Variants in A2ML1 observed in about 807,000 individuals in gnomAD.
A2ML1 encodes the protein alpha-2-macroglobulin-like protein 1.
In A2ML1, 161 loss-of-function variants were observed where a neutral mutation model predicts 181.9. The ratio of observed to expected loss-of-function variants is 0.89; its 90% CI spans 0.78 to 1.01. The LOEUF is 1.01. Ranked by LOEUF, A2ML1 falls within the 50% of genes least tolerant of loss-of-function variation. The probability of loss-of-function intolerance (pLI) is 0.00; values close to 1 mark genes in which losing one functional copy is unlikely to be tolerated. For missense variants in A2ML1, 1,670 were observed against 1,768.1 expected (o/e 0.94, Z 1.00); for synonymous variants, 663 against 666.8 (o/e 0.99, Z 0.09).
rs751385814 is a variant in A2ML1, at chr12:8,857,852, C to A, written c.3108-94C>A. 106 of 1,523,686 alleles carry A rather than the reference C, an allele frequency of 7.0e-5. No homozygotes were observed. The African/African-American group carries it at 7.8e-4, about 11-fold the overall frequency. 94.4% of individuals were successfully genotyped at this position (1,523,686 alleles called of 1,614,324 possible). A position where few individuals can be genotyped will look rare whatever the true frequency, so the allele number is the denominator to read the frequency against. On this transcript the variant is annotated intron_variant, in intron 25 of 35. Transcript: ENST00000299698. ...TATGGCATATGTTCCCTCAGCTCCCCTTCTGGAAGTATACACCCAAATAAA... is the reference window on the plus strand; with the variant it reads ...TATGGCATATGTTCCCTCAGCTCCCATTCTGGAAGTATACACCCAAATAAA...
intron 4 of A2ML1, among the ~76,000 whole-genome samples, chr12:8,832,327 A>C (rs2136745451): frequency 6.6e-6 from 1 of 151,766 alleles, no homozygotes; most frequent in South Asian, 2.1e-4. Flanking sequence ...AGAGGTTCAG[A>C]CTCTTGGAGT....
chr12:8,838,509 G>A lies in A2ML1; in HGVS notation c.970+59G>A. On this transcript the variant is annotated intron_variant, in intron 9 of 35. Transcript: ENST00000299698. ...GAGAAAGAAAAAGGGCTGGTCCCAG[G>A]GACAGATTTACTCCAAGTATACAAG... 4.4e-6 allele frequency: 6 copies of A among 1,374,318 alleles called. No individual in the cohort carries two copies. In the South Asian group the frequency reaches 7.5e-5, roughly 17 times the overall value. 85.1% of individuals were successfully genotyped at this position (1,374,318 alleles called of 1,614,324 possible). A position where few individuals can be genotyped will look rare whatever the true frequency, so the allele number is the denominator to read the frequency against.
At chr12:8,844,752 A>G (rs1309182576) in intron 12 of A2ML1, among the ~76,000 whole-genome samples, 2 of 152,194 alleles carry the variant, frequency 1.3e-5, no homozygotes, top group Non-Finnish European at 2.9e-5. Flanking sequence ...ATAGGTGGAA[A>G]ATAACAAGTC....
chr12:8,863,108 T>C (rs1274614146), intron 28 of A2ML1, among the ~76,000 whole-genome samples: 1 of 151,184 alleles, frequency 6.6e-6, no homozygotes, highest in East Asian at 1.9e-4. Flanking sequence ...TTAAATCTTT[T>C]TTTTTTTTTT....
At chr12:8,845,171 T>C (rs1362523431) in intron 12 of A2ML1, 44 of 1,522,354 alleles carry the variant, frequency 2.9e-5, no homozygotes, top group Non-Finnish European at 3.6e-5. Flanking sequence ...GACAGTTATC[T>C]ATGGTGAGGA....
Position 8,823,344 on chromosome 12 carries a change from C to G in A2ML1, c.225C>G (p.His75Gln). The change falls in exon 2 of 36, where the codon CAC (histidine) becomes CAG (glutamine). Residue 75 changes from histidine to glutamine, a missense_variant. Transcript: ENST00000299698. ...LLEYSGLKKRHLHCISFLVPP... is the reference protein window; with the variant it reads ...LLEYSGLKKRQLHCISFLVPP... ...AATACTCTGGACTGAAGAAGAGGCA[C>G]TTACATTGTATCTCCTTTCTTGTAA... is the stretch of plus-strand genomic sequence containing the variant. 1 of 1,613,878 alleles carries G rather than the reference C, an allele frequency of 6.2e-7. No individual in the cohort carries two copies. The highest frequency in any genetic ancestry group is 8.5e-7 in the Non-Finnish European group (1 of 1,179,922).
At position 8,859,520 on chromosome 12, in the gene A2ML1, G is replaced by A. The variant is rs1944184294; in HGVS notation, c.3265-1361G>A. Reference sequence around the variant, plus strand: ...GAAACCCTGTCTCTACTAAGATAAAGGACTTGACTAGAGCAAGATCTCAGA... The same window carrying A: ...GAAACCCTGTCTCTACTAAGATAAAAGACTTGACTAGAGCAAGATCTCAGA... On this transcript the variant is annotated intron_variant, in intron 26 of 35. Transcript: ENST00000299698. Among the ~76,000 whole-genome samples, 4 of 152,140 alleles carry A rather than the reference G, an allele frequency of 2.6e-5. No homozygotes were observed. The South Asian group carries it at 8.3e-4, about 32-fold the overall frequency.
intron 29 of A2ML1, among the ~76,000 whole-genome samples, chr12:8,865,775 A>C (rs373344168): frequency 6.6e-6 from 1 of 152,222 alleles, no homozygotes; most frequent in East Asian, 1.9e-4. Flanking sequence ...AATCATAAAA[A>C]ATTATTTTAG....
At chr12:8,853,986 C>A in intron 20 of A2ML1, 142 bp from the exon 21 acceptor site, 1 of 1,102,906 alleles carries the variant, frequency 9.1e-7, no homozygotes, top group Non-Finnish European at 1.2e-6. Flanking sequence ...AGAATATGGG[C>A]CCCACCCCAG....
At chr12:8,824,222 GTTTTTTTTTTTT>G (rs34400836) in intron 3 of A2ML1, among the ~76,000 whole-genome samples, 5 of 92,314 alleles carry the variant, frequency 5.4e-5, no homozygotes, top group South Asian at 8.3e-4. Flanking sequence ...AGCTACTGGG[GTTTTTTTTTTTT>G]TTTTTTTTTT....
chr12:8,882,874 A>G (rs1442337623), intron 7 of A2ML1, among the ~76,000 whole-genome samples: 1 of 152,138 alleles, frequency 6.6e-6, no homozygotes, highest in Non-Finnish European at 1.5e-5. Context: ...TTAGGGGTAA[A>G]GTTCTATTCC....
chr12:8,856,391 T>C (rs1944063021), intron 23 of A2ML1, among the ~76,000 whole-genome samples: 1 of 152,252 alleles, frequency 6.6e-6, no homozygotes, highest in South Asian at 2.1e-4. Context: ...TTCTTTTGTG[T>C]TCCTAGTACA....
At chr12:8,831,406 T>G (rs1032527566) in intron 4 of A2ML1, among the ~76,000 whole-genome samples, 6 of 152,230 alleles carry the variant, frequency 3.9e-5, no homozygotes, top group South Asian at 4.1e-4. Flanking sequence ...GAAGCGGGAT[T>G]ACTTCCAGGT....
At chr12:8,838,914 TAAAAAAA>T (rs11314317) in intron 9 of A2ML1, among the ~76,000 whole-genome samples, 192 bp from the exon 10 acceptor site, 2 of 110,704 alleles carry the variant, frequency 1.8e-5, no homozygotes, top group African/African-American at 3.4e-5. Flanking sequence ...GACTCCATCT[TAAAAAAA>T]AAAAAAAAAA....
chr12:8,844,548 G>T (rs1943601621), intron 12 of A2ML1, among the ~76,000 whole-genome samples: 1 of 152,160 alleles, frequency 6.6e-6, no homozygotes, highest in Non-Finnish European at 1.5e-5. Context: ...CAGCTTTCCT[G>T]TCACCTTGGT....
At chr12:8,839,858 C>T (rs1943408971) in intron 10 of A2ML1, among the ~76,000 whole-genome samples, 1 of 152,280 alleles carries the variant, frequency 6.6e-6, no homozygotes, top group African/African-American at 2.4e-5. Flanking sequence ...AGCGATTCTC[C>T]TGTCTCAGCC....
At chr12:8,845,100 G>A (rs758196658) in intron 12 of A2ML1, 8 of 1,446,192 alleles carry the variant, frequency 5.5e-6, no homozygotes, top group African/African-American at 2.9e-5. Flanking sequence ...ATAGATTTTC[G>A]CTGACTTTCT....
Position 8,847,527 on chromosome 12 carries a change from G to A in A2ML1, c.1684-22G>A, listed in dbSNP as rs764096592. 3.8e-6 allele frequency: 6 copies of A among 1,597,842 alleles called. No homozygotes were observed. The African/African-American group carries it at 5.4e-5, about 14-fold the overall frequency. On this transcript the variant is annotated intron_variant, in intron 14 of 35. Transcript: ENST00000299698. ...CTTTCCAGGCTGACCTGATCCCCAA[G>A]TTATACCTTTCCCTTCCCCAGGTTT...
chr12:8,833,175 G>A (rs1245795453), intron 4 of A2ML1, among the ~76,000 whole-genome samples: 1 of 152,000 alleles, frequency 6.6e-6, no homozygotes, highest in African/African-American at 2.4e-5. Flanking sequence ...GTTTTACCAT[G>A]TCGGTCAGGC....
Sources: gnomAD v4.1 joint callset for allele counts (sites outside exome capture counted in the v4.1 genomes callset) on GRCh38, gnomAD v4.1.1 for gene constraint, MANE v1.5 for transcripts, NCBI Gene and HGNC (gene_info 2026-07-23, HGNC 2026-07-21) for gene names.